Variants in DOCK9 observed in about 807,000 individuals in gnomAD.
The protein encoded by DOCK9 is dedicator of cytokinesis 9.
Under a neutral mutation model 263.3 loss-of-function variants are expected in DOCK9, and 89 were observed. The ratio of observed to expected loss-of-function variants is 0.34; its 90% CI spans 0.28 to 0.40. The LOEUF (loss-of-function observed/expected upper bound fraction) is 0.40. Ranked by LOEUF, DOCK9 falls within the 10% of genes least tolerant of loss-of-function variation. The pLI is 1.00. For missense variants in DOCK9, 2,140 were observed against 2,603.4 expected (o/e 0.82, Z 3.87); for synonymous variants, 976 against 973.1 (o/e 1.00, Z -0.06).
At chr13:99,044,654 A>G (rs151170464) in intron 1 of DOCK9, among the ~76,000 whole-genome samples, 10 of 152,378 alleles carry the variant, frequency 6.6e-5, no homozygotes, top group African/African-American at 2.4e-4. Context: ...GAATTTGGAA[A>G]TACAAAAGTT....
Position 98,829,409 on chromosome 13 carries a change from G to A in DOCK9, c.4863C>T (p.Leu1621=), listed in dbSNP as rs1206800474. The change falls in exon 43 of 53, where the codon CTC becomes CTT. Residue 1621 remains leucine (L), a synonymous_variant. Transcript: ENST00000682017. This position sits in a 1 kb window ranked among gnomAD's most constrained non-coding sequence, Gnocchi z 4.1. ...CATAGGATTTGGCCAGGCTGTACTGGAGGTCCACCAGCATCTCTGGGTCGT... is the reference window on the plus strand; with the variant it reads ...CATAGGATTTGGCCAGGCTGTACTGAAGGTCCACCAGCATCTCTGGGTCGT... ...HENDPEMLVD[L]QYSLAKSYAS... 1.2e-6 allele frequency: 2 copies of A among 1,613,958 alleles called. No homozygotes were observed. The highest frequency in any genetic ancestry group is 1.7e-6 in the Non-Finnish European group (2 of 1,179,882).
rs776086968 is a variant in DOCK9, at chr13:98,868,029, CAAA to C, written c.3091-21_3091-19del. 1 of 1,607,568 alleles carries C rather than the reference CAAA, an allele frequency of 6.2e-7. No individual in the cohort carries two copies. Among genetic ancestry groups the C allele is most frequent in the South Asian group, 1.1e-5 (1 of 89,404 alleles). Reference sequence around the variant, plus strand: ...AAACATCTCTGTGGAGGAAAACAAGCAAAAAAGTTATTTCAGGTCCAAACATTT... The same window carrying C: ...AAACATCTCTGTGGAGGAAAACAAGCAAAGTTATTTCAGGTCCAAACATTT... On this transcript the variant is annotated intron_variant, in intron 28 of 52. Transcript: ENST00000682017.
At chr13:99,014,304 A>T (rs1054238318) in intron 1 of DOCK9, among the ~76,000 whole-genome samples, 12 of 152,234 alleles carry the variant, frequency 7.9e-5, no homozygotes, top group Non-Finnish European at 2.9e-5. Context: ...CTCTGATACC[A>T]GTTATTCGCA....
chr13:99,036,731 G>C (rs1041978080), intron 1 of DOCK9, among the ~76,000 whole-genome samples: 2 of 152,138 alleles, frequency 1.3e-5, no homozygotes, highest in Admixed American at 6.5e-5. Context: ...GTAGAGACGG[G>C]ATTTCACCAT....
chr13:98,814,975 T>G (rs968039853), intron 45 of DOCK9, among the ~76,000 whole-genome samples: 3 of 150,050 alleles, frequency 2.0e-5, no homozygotes, highest in African/African-American at 7.4e-5. Context: ...TAAAATAAAA[T>G]AAAATAAAAT....
intron 6 of DOCK9, among the ~76,000 whole-genome samples, chr13:98,921,358 C>T (rs993060686): frequency 1.4e-4 from 22 of 152,190 alleles, no homozygotes; most frequent in African/African-American, 5.3e-4. Context: ...AAAAGCAGTG[C>T]AGGGACTTCC....
At chr13:98,931,499 C>T (rs1358613914) in intron 2 of DOCK9, among the ~76,000 whole-genome samples, 1 of 151,960 alleles carries the variant, frequency 6.6e-6, no homozygotes, top group Non-Finnish European at 1.5e-5. Flanking sequence ...GGGGTTTCAC[C>T]GTGTTAGCCA....
chr13:99,023,913 A>C (rs148265899), intron 1 of DOCK9, among the ~76,000 whole-genome samples: 13 of 152,352 alleles, frequency 8.5e-5, no homozygotes, highest in African/African-American at 3.1e-4. Context: ...CCTGAGATTT[A>C]AATTTCTGAT....
intron 20 of DOCK9, 131 bp downstream of exon 20, chr13:98,885,577 T>C (rs2045573966): frequency 1.0e-6 from 1 of 971,090 alleles, no homozygotes; most frequent in Admixed American, 3.0e-5. Flanking sequence ...CCAGACATGC[T>C]ACATATCCGT....
At chr13:98,855,260 T>C (rs1411699729) in intron 34 of DOCK9, among the ~76,000 whole-genome samples, 2 of 152,174 alleles carry the variant, frequency 1.3e-5, no homozygotes, top group Non-Finnish European at 2.9e-5. Context: ...GTGTTGATGA[T>C]GGTGTCTCTG....
intron 1 of DOCK9, among the ~76,000 whole-genome samples, chr13:99,018,658 AGTAATTCAAAAGGTAT>A (rs1391776251): frequency 6.6e-6 from 1 of 152,266 alleles, no homozygotes; most frequent in Non-Finnish European, 1.5e-5. Flanking sequence ...AGACAAAATG[AGTAATTCAAAAGGTAT>A]GTTTGGTTTC....
intron 29 of DOCK9, 56 bp downstream of exon 29, chr13:98,867,872 C>G: frequency 7.0e-7 from 1 of 1,429,302 alleles, no homozygotes; most frequent in African/African-American, 1.4e-5. Context: ...AAAGATAATT[C>G]TACCAGAGAA....
intron 2 of DOCK9, among the ~76,000 whole-genome samples, chr13:98,947,961 TA>T (rs2056940838): frequency 6.6e-6 from 1 of 152,188 alleles, no homozygotes; most frequent in African/African-American, 2.4e-5. Context: ...CACTTTTCAA[TA>T]AAAAGCCAAA....
chr13:99,075,108 T>C (rs2041855274), intron 1 of DOCK9, among the ~76,000 whole-genome samples: 3 of 152,196 alleles, frequency 2.0e-5, no homozygotes, highest in African/African-American at 7.2e-5. Context: ...AAATTTTAAC[T>C]TTTTATAATA....
intron 48 of DOCK9, among the ~76,000 whole-genome samples, chr13:98,805,414 T>A (rs1449596374): frequency 6.6e-6 from 1 of 152,204 alleles, no homozygotes; most frequent in Non-Finnish European, 1.5e-5. Context: ...CACTTATGGA[T>A]GTGCACACAC....
At chr13:98,857,483 T>G (rs9284180) in intron 33 of DOCK9, 9,272 of 152,116 alleles carry the variant, frequency 0.061, 717 homozygotes, top group African/African-American at 0.17. Context: ...TAGAGACGGG[T>G]TTTCACCATG....
chr13:98,801,214 G>A (rs12857716), intron 49 of DOCK9, among the ~76,000 whole-genome samples: 11,023 of 152,272 alleles, frequency 0.072, 499 homozygotes, highest in Middle Eastern at 0.11. Context: ...GAGCCCAGGA[G>A]GTCAAAGCTG....
At chr13:98,797,283 G>A in intron 51 of DOCK9, 30 bp from the exon 52 acceptor site, 1 of 1,613,374 alleles carries the variant, frequency 6.2e-7, no homozygotes, top group Non-Finnish European at 8.5e-7. Flanking sequence ...AGAAACAAAG[G>A]CACGCAGAGG....
chr13:99,072,934 G>C (rs2142387758), intron 1 of DOCK9, among the ~76,000 whole-genome samples: 1 of 152,272 alleles, frequency 6.6e-6, no homozygotes, highest in Admixed American at 6.5e-5. Flanking sequence ...GGGAGGTCAA[G>C]GCTTCAGTGA....
Sources: allele counts gnomAD v4.1 joint callset (sites outside exome capture counted in the v4.1 genomes callset), GRCh38; gene constraint gnomAD v4.1.1; non-coding constraint Gnocchi (gnomAD v3.1); transcripts MANE v1.5; gene names NCBI Gene and HGNC (gene_info 2026-07-23, HGNC 2026-07-21).